LCMT1: variants seen among roughly 807,000 people sequenced by gnomAD.
LCMT1 encodes the protein [Phosphatase 2A protein]-leucine-carboxy methyltransferase 1.
Under a neutral mutation model 47.7 loss-of-function variants are expected in LCMT1, and 32 were observed. That is an observed-to-expected ratio of 0.67 (90% CI 0.51 to 0.90). The LOEUF (loss-of-function observed/expected upper bound fraction) is 0.90, where lower values mean the gene tolerates loss of function less well. Among genes scored for constraint, LCMT1 ranks in the 40% least tolerant of loss-of-function variants. The pLI, the probability that LCMT1 is intolerant of heterozygous loss-of-function variation, is 0.00. For missense variants in LCMT1, 375 were observed against 415.2 expected (o/e 0.90, Z 0.84); for synonymous variants, 152 against 149.7 (o/e 1.02, Z -0.11).
Position 25,174,948 on chromosome 16 carries a change from T to G in LCMT1, c.896T>G (p.Leu299Arg). 1 of 1,596,334 alleles carries G rather than the reference T, an allele frequency of 6.3e-7. No homozygotes were observed. Among genetic ancestry groups the G allele is most frequent in the Non-Finnish European group, 8.6e-7 (1 of 1,166,170 alleles). The part of the protein sequence containing the change: ...PRAEVSRIES[L>R]EFLDEMELLE... ...AATTCTTTCCACAGGATAGAATCAC[T>G]TGAATTCCTGGATGAAATGGAGCTG... Residue 299 changes from leucine (L) to arginine (R), a missense_variant, in exon 10 of 11, where the codon CTT becomes CGT. Coordinates refer to ENST00000399069, the MANE Select transcript of LCMT1 (RefSeq NM_016309.3).
intron 1 of LCMT1, 144 bp from the exon 2 acceptor site, chr16:25,128,331 G>A: frequency 3.3e-6 from 2 of 600,620 alleles, no homozygotes; most frequent in Non-Finnish European, 5.9e-6. Context: ...TGTGTAACAG[G>A]GCACTAAATG....
chr16:25,146,800 T>C (rs934278413), intron 4 of LCMT1: 2 of 152,280 alleles, frequency 1.3e-5, no homozygotes, highest in Non-Finnish European at 2.9e-5. Flanking sequence ...AGGGACTCGA[T>C]TGAGGAAGAC....
At position 25,151,505 on chromosome 16, in the gene LCMT1, T is replaced by C; in HGVS notation, c.405-49T>C. On this transcript the variant is annotated intron_variant, in intron 4 of 10. Transcript: ENST00000399069. ...TGCAGTAAATGAGCTCATGAGTAAA[T>C]TGAGGAGCAAATAGACTCATTTTTC... 3 of 1,455,606 alleles carry C rather than the reference T, an allele frequency of 2.1e-6. No individual in the cohort carries two copies. In the African/African-American group the frequency reaches 4.2e-5, roughly 20 times the overall value. The allele number at this position is 1,455,606 out of a possible 1,614,324, so 90.2% of individuals were successfully genotyped here. A position where few individuals can be genotyped will look rare whatever the true frequency, so the allele number is the denominator to read the frequency against.
At chr16:25,153,316 A>G (rs755208462) in intron 5 of LCMT1, among the ~76,000 whole-genome samples, 59 of 152,392 alleles carry the variant, frequency 3.9e-4, no homozygotes, top group Non-Finnish European at 6.8e-4. Context: ...TAAAAAGAAC[A>G]GAGACTTAGT....
chr16:25,154,496 T>C (rs918361972), intron 5 of LCMT1, among the ~76,000 whole-genome samples: 1 of 148,264 alleles, frequency 6.7e-6, no homozygotes, highest in African/African-American at 2.5e-5. Context: ...GTTCTTTTTT[T>C]TTTTTTTTTT....
At chr16:25,169,424 C>CT in intron 8 of LCMT1, 1 of 460,334 alleles carries the variant, frequency 2.2e-6, no homozygotes, top group Non-Finnish European at 3.9e-6. Flanking sequence ...ATTATTTTGA[C>CT]TTTGTATTAC....
intron 2 of LCMT1, among the ~76,000 whole-genome samples, chr16:25,129,942 G>A (rs562434878): frequency 6.6e-6 from 1 of 152,278 alleles, no homozygotes; most frequent in East Asian, 1.9e-4. Flanking sequence ...GTTCCTCACT[G>A]TGGGTGGGAG....
intron 5 of LCMT1, 98 bp downstream of exon 5, chr16:25,151,713 G>GTGTGTGTT: frequency 1.3e-6 from 1 of 794,780 alleles, no homozygotes; most frequent in Admixed American, 2.3e-5. Context: ...GTGTGTGTGT[G>GTGTGTGTT]TGTGTGTGTG....
At chr16:25,152,827 C>G (rs1014481712) in intron 5 of LCMT1, among the ~76,000 whole-genome samples, 1 of 152,052 alleles carries the variant, frequency 6.6e-6, no homozygotes, top group Non-Finnish European at 1.5e-5. Flanking sequence ...TCCGTTTTTT[C>G]CCTCAACTTT....
rs574873849 is a variant in LCMT1, at chr16:25,130,459, C to T, written c.205+1893C>T. On this transcript the variant is annotated intron_variant, in intron 2 of 10. Coordinates refer to ENST00000399069, the MANE Select transcript of LCMT1 (RefSeq NM_016309.3). ...TTGAGCTCAGGAGTTCAAGACCAGC[C>T]TGGGCAACATGGTGAAACCCTGTCT... Among the ~76,000 whole-genome samples the T allele has an allele frequency of 3.1e-3, 472 of 152,040 alleles. 2 individuals carry two copies. The highest frequency in any genetic ancestry group is 5.2e-3 in the Non-Finnish European group (356 of 67,996).
At position 25,116,772 on chromosome 16, in the gene LCMT1, A is replaced by C. The variant is rs551449271; in HGVS notation, c.113+4776A>C. Among the ~76,000 whole-genome samples the C allele has an allele frequency of 2.0e-5, 3 of 151,652 alleles. No individual in the cohort carries two copies. The East Asian group carries it at 5.8e-4, about 29-fold the overall frequency. ...AACCAGTGTCGCGGTGCATGCCAGT[A>C]GTCCCATCTACTTTGGGGCTGGTGT... On this transcript the variant is annotated intron_variant, in intron 1 of 10. Coordinates refer to ENST00000399069, the MANE Select transcript of LCMT1 (RefSeq NM_016309.3).
At chr16:25,154,791 G>A (rs1195649608) in intron 5 of LCMT1, among the ~76,000 whole-genome samples, 1 of 152,040 alleles carries the variant, frequency 6.6e-6, no homozygotes, top group Non-Finnish European at 1.5e-5. Flanking sequence ...CCGGCCAGAT[G>A]TGTTCTTTGA....
intron 5 of LCMT1, among the ~76,000 whole-genome samples, chr16:25,158,616 A>G (rs1186636322): frequency 6.6e-6 from 1 of 152,236 alleles, no homozygotes; most frequent in Non-Finnish European, 1.5e-5. Context: ...TTCTGTTCTC[A>G]TGGCCTCTTG....
intron 5 of LCMT1, among the ~76,000 whole-genome samples, chr16:25,158,435 G>A (rs1270913505): frequency 1.3e-5 from 2 of 152,168 alleles, no homozygotes; most frequent in South Asian, 2.1e-4. Context: ...GCGCCCGGCC[G>A]GTCTGTTTCT....
At chr16:25,138,547 G>A (rs1435801424) in intron 3 of LCMT1, among the ~76,000 whole-genome samples, 1 of 152,108 alleles carries the variant, frequency 6.6e-6, no homozygotes, top group Non-Finnish European at 1.5e-5. Flanking sequence ...GTGTGTGTGT[G>A]TATGTGTGTC....
chr16:25,151,723 G>GTGTGTGTGT, intron 5 of LCMT1, 108 bp downstream of exon 5: 29 of 739,174 alleles, frequency 3.9e-5, no homozygotes, highest in African/African-American at 7.5e-5. Context: ...GTGTGTGTGT[G>GTGTGTGTGT]GTGTTATACA....
intron 1 of LCMT1, among the ~76,000 whole-genome samples, chr16:25,116,678 C>T (rs1403958207): frequency 7.6e-6 from 1 of 132,042 alleles, no homozygotes; most frequent in East Asian, 2.2e-4. Context: ...CTCAGGAGTT[C>T]AAGACCAGCC....
intron 3 of LCMT1, among the ~76,000 whole-genome samples, chr16:25,136,471 C>CTT (rs796407666): frequency 2.1e-5 from 3 of 144,702 alleles, no homozygotes; most frequent in Non-Finnish European, 3.1e-5. Context: ...AACAGGATAT[C>CTT]TTTTTTTTTT....
intron 7 of LCMT1, among the ~76,000 whole-genome samples, chr16:25,166,478 C>T (rs1961595717): frequency 6.6e-6 from 1 of 152,032 alleles, no homozygotes; most frequent in Non-Finnish European, 1.5e-5. Context: ...TCATGGCTTA[C>T]TGCAGCCTCG....
Sources: allele counts gnomAD v4.1 joint callset (sites outside exome capture counted in the v4.1 genomes callset), GRCh38; gene constraint gnomAD v4.1.1; transcripts MANE v1.5; gene names NCBI Gene and HGNC (gene_info 2026-07-23, HGNC 2026-07-21).